RPGRIP1: variants seen among roughly 807,000 people sequenced by gnomAD.
The protein encoded by RPGRIP1 is RPGR interacting protein 1.
In RPGRIP1, 128 loss-of-function variants were observed where a neutral mutation model predicts 157.9. The observed-to-expected ratio is 0.81, with a 90% CI of 0.70 to 0.94. The LOEUF (loss-of-function observed/expected upper bound fraction) is 0.94, where lower values mean the gene tolerates loss of function less well. Among genes scored for constraint, RPGRIP1 ranks in the 40% least tolerant of loss-of-function variants. The pLI is 0.00. For synonymous variants in RPGRIP1, 554 were observed against 571.6 expected (o/e 0.97, Z 0.44); for missense variants, 1,486 against 1,545.8 (o/e 0.96, Z 0.65).
chr14:21,281,738 C>A (rs1417501370), intron 1 of RPGRIP1, among the ~76,000 whole-genome samples: 2 of 103,140 alleles, frequency 1.9e-5, no homozygotes, highest in African/African-American at 3.4e-5. Flanking sequence ...TAATAATAAT[C>A]AGAGTAAGGG....
intron 2 of RPGRIP1, among the ~76,000 whole-genome samples, chr14:21,293,918 T>G (rs1594166125): frequency 6.6e-6 from 1 of 150,532 alleles, no homozygotes; most frequent in Admixed American, 6.6e-5. Context: ...CTGGGTGTGG[T>G]GGCAGGCACC....
chr14:21,297,662 C>T (rs1345089309), intron 3 of RPGRIP1, among the ~76,000 whole-genome samples: 1 of 152,066 alleles, frequency 6.6e-6, no homozygotes. Context: ...AGAGAATATG[C>T]ACACCAGGGG....
At chr14:21,330,650 CAG>C (rs917896542) in intron 20 of RPGRIP1, among the ~76,000 whole-genome samples, 6 of 152,042 alleles carry the variant, frequency 3.9e-5, no homozygotes, top group African/African-American at 1.2e-4. Flanking sequence ...GCCTGGGCGA[CAG>C]AGCGAGACTC....
In RPGRIP1 at chr14:21,324,844, C is replaced by G; in HGVS notation, c.1989C>G (p.Thr663=). The G allele has an allele frequency of 1.9e-6, 3 of 1,613,984 alleles. No individual in the cohort carries two copies. The highest frequency in any genetic ancestry group is 1.7e-6 in the Non-Finnish European group (2 of 1,179,860). The change falls in exon 15 of 25, where the codon ACC becomes ACG. Residue 663 remains threonine (T), a synonymous_variant. Coordinates refer to ENST00000400017, the MANE Select transcript of RPGRIP1 (RefSeq NM_020366.4). ...FCTYSFYDFE[T]HCTPLSVGPQ... ...CCTATTCCTTCTATGACTTTGAAAC[C>G]CACTGTACCCCATTATCTGTGGGGC...
chr14:21,299,127 T>G (rs917781502), intron 3 of RPGRIP1, among the ~76,000 whole-genome samples: 2 of 151,402 alleles, frequency 1.3e-5, no homozygotes, highest in Admixed American at 1.3e-4. Context: ...GCGATTCTCC[T>G]GCCTCAGCCT....
chr14:21,299,036 T>A (rs12147289), intron 3 of RPGRIP1, among the ~76,000 whole-genome samples: 5 of 148,824 alleles, frequency 3.4e-5, no homozygotes, highest in Admixed American at 3.4e-4. Context: ...TTTTTTGAGA[T>A]GGGAGTTTCG....
At chr14:21,324,210 C>G (rs1341510138) in intron 14 of RPGRIP1, 1 of 302,324 alleles carries the variant, frequency 3.3e-6, no homozygotes, top group Non-Finnish European at 6.4e-6. Flanking sequence ...CTGCAACTTG[C>G]TATTATCTCC....
At chr14:21,326,876 T>C (rs974222973) in intron 17 of RPGRIP1, among the ~76,000 whole-genome samples, 3 of 152,240 alleles carry the variant, frequency 2.0e-5, no homozygotes, top group South Asian at 2.1e-4. Flanking sequence ...TCTTGGATTT[T>C]TTTTTTCCTC....
rs1369033554 is a variant in RPGRIP1, at chr14:21,324,406, C to T, written c.1763-212C>T. On this transcript the variant is annotated intron_variant, in intron 14 of 24. Transcript: ENST00000400017. ...TTTCCAGTCACTCCTTTTGTACCTT[C>T]TCCCTAAAGCTGGCATTGGATTATT... 70 of 596,778 alleles carry T rather than the reference C, an allele frequency of 1.2e-4. No individual in the cohort carries two copies. In the East Asian group the frequency reaches 2.0e-3, roughly 17 times the overall value. The allele number at this position is 596,778 out of a possible 1,614,324, so 37.0% of individuals were successfully genotyped here.
intron 6 of RPGRIP1, among the ~76,000 whole-genome samples, chr14:21,307,301 G>A (rs534359506): frequency 2.6e-5 from 4 of 152,222 alleles, no homozygotes; most frequent in Admixed American, 6.5e-5. Flanking sequence ...CCATCTGCCC[G>A]CCTCAGCCTC....
chr14:21,322,784 T>C (rs1364779554), intron 14 of RPGRIP1, among the ~76,000 whole-genome samples: 1 of 152,184 alleles, frequency 6.6e-6, no homozygotes, highest in Non-Finnish European at 1.5e-5. Flanking sequence ...TCTAAAATCT[T>C]TGTTGCAATT....
intron 21 of RPGRIP1, among the ~76,000 whole-genome samples, chr14:21,340,729 T>C (rs8004759): frequency 0.024 from 3,616 of 152,294 alleles, 60 homozygotes; most frequent in Middle Eastern, 0.065. Flanking sequence ...ATACATTTTT[T>C]ATAGCAATCA....
intron 10 of RPGRIP1, among the ~76,000 whole-genome samples, chr14:21,315,974 G>T (rs1268090238): frequency 4.3e-3 from 462 of 107,382 alleles, no homozygotes; most frequent in Admixed American, 6.7e-3. Context: ...AATTTTTGTG[G>T]TTTTTTTTTT....
chr14:21,302,389 C>G, intron 4 of RPGRIP1, 99 bp from the exon 5 acceptor site: 1 of 571,296 alleles, frequency 1.8e-6, no homozygotes, highest in Non-Finnish European at 2.8e-6. Flanking sequence ...TCACCCAGGT[C>G]TCAAGACTCT....
chr14:21,305,456 G>A lies in RPGRIP1; in HGVS notation c.800+1913G>A, dbSNP rs1331295032. On this transcript the variant is annotated intron_variant, in intron 6 of 24. Coordinates refer to ENST00000400017, the MANE Select transcript of RPGRIP1 (RefSeq NM_020366.4). Reference sequence around the variant, plus strand: ...CAGTTTATTTATCCATTCAGCTACCGAAAGATGTCTTAGTTGCTTCCAAGT... The same window carrying A: ...CAGTTTATTTATCCATTCAGCTACCAAAAGATGTCTTAGTTGCTTCCAAGT... Among the ~76,000 whole-genome samples, 6 of 152,316 alleles carry A rather than the reference G, an allele frequency of 3.9e-5. No homozygotes were observed. In the South Asian group the frequency reaches 8.3e-4, roughly 21 times the overall value.
chr14:21,307,343 G>A (rs1268583155), intron 6 of RPGRIP1, among the ~76,000 whole-genome samples: 1 of 152,210 alleles, frequency 6.6e-6, no homozygotes, highest in African/African-American at 2.4e-5. Flanking sequence ...CGTGAGCCAC[G>A]GTGCCTGGTT....
intron 7 of RPGRIP1, among the ~76,000 whole-genome samples, chr14:21,309,842 A>T (rs1464024726): frequency 1.3e-5 from 2 of 151,484 alleles, no homozygotes; most frequent in Non-Finnish European, 2.9e-5. Flanking sequence ...TTTAAAAAAA[A>T]AGTTTGGGAG....
chr14:21,339,780 A>C (rs1211240874), intron 21 of RPGRIP1, among the ~76,000 whole-genome samples: 1 of 152,216 alleles, frequency 6.6e-6, no homozygotes, highest in Admixed American at 6.5e-5. Flanking sequence ...CTTTCCTTCA[A>C]GTAATTATGA....
intron 20 of RPGRIP1, among the ~76,000 whole-genome samples, chr14:21,332,618 T>A (rs1463768148): frequency 6.6e-6 from 1 of 152,206 alleles, no homozygotes; most frequent in Non-Finnish European, 1.5e-5. Flanking sequence ...TTTCTTCAGG[T>A]ATTTGATTGA....
Sources: allele counts gnomAD v4.1 joint callset (sites outside exome capture counted in the v4.1 genomes callset), GRCh38; gene constraint gnomAD v4.1.1; transcripts MANE v1.5; gene names NCBI Gene and HGNC (gene_info 2026-07-23, HGNC 2026-07-21).